The following CNTN4 variants were observed in gnomAD, a reference collection of about 807,000 sequenced individuals.
CNTN4 encodes contactin 4, also known as contactin-4.
A neutral mutation model predicts 122.5 loss-of-function variants in CNTN4; 77 were observed. The observed-to-expected ratio is 0.63, with a 90% CI of 0.52 to 0.76. CNTN4 has a LOEUF of 0.76. Among genes scored for constraint, CNTN4 ranks in the 30% least tolerant of loss-of-function variants. The pLI is 0.00. For missense variants in CNTN4, 1,256 were observed against 1,259.1 expected (o/e 1.00, Z 0.04); for synonymous variants, 512 against 447.0 (o/e 1.15, Z -1.83).
intron 3 of CNTN4, among the ~76,000 whole-genome samples, chr3:2,570,935 G>C (rs1476508534): frequency 6.6e-6 from 1 of 152,166 alleles, no homozygotes; most frequent in Non-Finnish European, 1.5e-5. Context: ...GGGAAAAATT[G>C]TTTGAGTTAA....
chr3:2,927,013 C>T (rs545908558), intron 13 of CNTN4, among the ~76,000 whole-genome samples: 3 of 151,986 alleles, frequency 2.0e-5, no homozygotes, highest in East Asian at 1.9e-4. Flanking sequence ...AAATGTGGCA[C>T]GTGAGATTAC....
At chr3:2,863,785 T>C (rs1379390233) in intron 7 of CNTN4, among the ~76,000 whole-genome samples, 2 of 152,138 alleles carry the variant, frequency 1.3e-5, no homozygotes, top group African/African-American at 2.4e-5. Context: ...CAAAATCTCT[T>C]GCCAGTCCTG....
At chr3:2,641,263 TA>T (rs1048024763) in intron 4 of CNTN4, among the ~76,000 whole-genome samples, 4 of 152,064 alleles carry the variant, frequency 2.6e-5, no homozygotes, top group East Asian at 1.9e-4. Context: ...ATGTGAGTAT[TA>T]AAAAAAACTG....
In CNTN4 at chr3:2,127,214, C is replaced by T. The variant is rs542228073; in HGVS notation, c.-145+26575C>T. On this transcript the variant is annotated intron_variant, in intron 2 of 24. Transcript: ENST00000418658. ...ACCCTGTGGATCAGCTGCCCTTTGT[C>T]GGGTTCCCATCACAGCCCCAATGTG... is the stretch of plus-strand genomic sequence containing the variant. 2.4e-4 allele frequency among the ~76,000 whole-genome samples: 37 copies of T among 152,240 alleles called. No individual in the cohort carries two copies. In the South Asian group the frequency reaches 5.2e-3, roughly 21 times the overall value.
intron 2 of CNTN4, among the ~76,000 whole-genome samples, chr3:2,311,587 A>C (rs1284129681): frequency 6.6e-6 from 1 of 152,108 alleles, no homozygotes; most frequent in Admixed American, 6.6e-5. Flanking sequence ...TGCACCTGTG[A>C]GAACAAATAA....
At chr3:2,443,899 G>T (rs1240607761) in intron 3 of CNTN4, among the ~76,000 whole-genome samples, 1 of 152,058 alleles carries the variant, frequency 6.6e-6, no homozygotes, top group African/African-American at 2.4e-5. Context: ...AGTTTATCTT[G>T]TTTTTGCTAG....
Position 3,040,285 on chromosome 3 carries a change from T to C in CNTN4, c.2398+14T>C, listed in dbSNP as rs1700029165. 1.3e-6 allele frequency: 2 copies of C among 1,546,988 alleles called. No individual in the cohort carries two copies. Among genetic ancestry groups the C allele is most frequent in the African/African-American group, 1.4e-5 (1 of 73,768 alleles). ...CTGCAGAAGAAGGTATCGTTTATGC[T>C]GCCTAGATCATTGACTGTTAATATT... On this transcript the variant is annotated intron_variant, in intron 20 of 24. Transcript: ENST00000418658.
intron 2 of CNTN4, among the ~76,000 whole-genome samples, chr3:2,238,643 C>A (rs2039775528): frequency 1.3e-5 from 2 of 150,906 alleles, no homozygotes; most frequent in South Asian, 4.2e-4. Context: ...GTTAAAAATC[C>A]GAATGTTGCC....
intron 2 of CNTN4, among the ~76,000 whole-genome samples, chr3:2,322,807 T>C (rs2043315811): frequency 1.3e-5 from 2 of 152,220 alleles, no homozygotes; most frequent in Admixed American, 1.3e-4. Context: ...TTTCTTTTAT[T>C]GAGCAACTAG....
chr3:2,382,770 G>T (rs1164879611), intron 3 of CNTN4, among the ~76,000 whole-genome samples: 3 of 152,090 alleles, frequency 2.0e-5, no homozygotes, highest in Non-Finnish European at 4.4e-5. Flanking sequence ...ACTGGAAAAT[G>T]ATGGATTAAA....
intron 2 of CNTN4, among the ~76,000 whole-genome samples, chr3:2,204,625 C>T (rs1289118124): frequency 6.6e-6 from 1 of 152,058 alleles, no homozygotes; most frequent in African/African-American, 2.4e-5. Flanking sequence ...AATCTTTTTC[C>T]TCTTTTCAGA....
rs1384650512 is a variant in CNTN4 at position 2,887,384 on chromosome 3, G to A, written c.940+160G>A. Among the ~76,000 whole-genome samples, 3 of 152,142 alleles carry A rather than the reference G, an allele frequency of 2.0e-5. No individual in the cohort carries two copies. The South Asian group carries it at 6.2e-4, about 32-fold the overall frequency. ...CATAATCAGCCCTGGTTGATTCTGGGTGTGGAGAGTGAGGGTGGGGGGCAA... is the reference window on the plus strand; with the variant it reads ...CATAATCAGCCCTGGTTGATTCTGGATGTGGAGAGTGAGGGTGGGGGGCAA... On this transcript the variant is annotated intron_variant, in intron 10 of 24. Coordinates refer to ENST00000418658, the MANE Select transcript of CNTN4 (RefSeq NM_175607.3).
At chr3:2,293,767 A>G (rs1363938993) in intron 2 of CNTN4, among the ~76,000 whole-genome samples, 3 of 152,220 alleles carry the variant, frequency 2.0e-5, no homozygotes, top group Non-Finnish European at 4.4e-5. Context: ...CCAGCAATCC[A>G]GTTTACCTAA....
chr3:2,492,929 A>T (rs966591555), intron 3 of CNTN4, among the ~76,000 whole-genome samples: 1 of 152,202 alleles, frequency 6.6e-6, no homozygotes, highest in African/African-American at 2.4e-5. Context: ...TTGATGGTAC[A>T]GTTACACAGA....
At position 2,396,287 on chromosome 3, in the gene CNTN4, A is replaced by T. The variant is rs529224319; in HGVS notation, c.-89+57054A>T. On this transcript the variant is annotated intron_variant, in intron 3 of 24. Transcript: ENST00000418658. ...CCATCTGCCCTCCTTGGCCTTCCAA[A>T]GTGCTGGGATTACAGGCATGAGCCA... 3.3e-5 allele frequency among the ~76,000 whole-genome samples: 5 copies of T among 152,304 alleles called. No individual in the cohort carries two copies. The East Asian group carries it at 9.7e-4, about 29-fold the overall frequency.
chr3:2,372,191 C>CTATT (rs1271198647), intron 3 of CNTN4, among the ~76,000 whole-genome samples: 1 of 152,076 alleles, frequency 6.6e-6, no homozygotes, highest in African/African-American at 2.4e-5. Context: ...TGCAGTAGCT[C>CTATT]TATTTATTTA....
chr3:2,578,320 A>G (rs1191656023), intron 4 of CNTN4, among the ~76,000 whole-genome samples: 1 of 152,180 alleles, frequency 6.6e-6, no homozygotes, highest in Admixed American at 6.5e-5. Context: ...GTATTTGTTA[A>G]TGTTGATGAA....
intron 3 of CNTN4, among the ~76,000 whole-genome samples, chr3:2,529,817 A>G (rs1246635941): frequency 6.6e-6 from 1 of 152,112 alleles, no homozygotes; most frequent in Non-Finnish European, 1.5e-5. Flanking sequence ...GGATTATATT[A>G]TTGACCAAGA....
chr3:2,792,826 CA>C (rs2092054112), intron 6 of CNTN4, among the ~76,000 whole-genome samples: 3 of 152,158 alleles, frequency 2.0e-5, no homozygotes, highest in African/African-American at 7.2e-5. Context: ...ATAAATCCCT[CA>C]AATTTTATAT....
Sources: allele counts gnomAD v4.1 joint callset (sites outside exome capture counted in the v4.1 genomes callset), GRCh38; gene constraint gnomAD v4.1.1; transcripts MANE v1.5; gene names NCBI Gene and HGNC (gene_info 2026-07-23, HGNC 2026-07-21).